Variants in SPIRE1 observed in about 807,000 individuals in gnomAD.
SPIRE1 encodes the protein protein spire homolog 1.
A neutral mutation model predicts 94.1 loss-of-function variants in SPIRE1; 40 were observed. That is an observed-to-expected ratio of 0.43 (90% CI 0.33 to 0.55). The LOEUF is 0.55. Ranked by LOEUF, SPIRE1 falls within the 20% of genes least tolerant of loss-of-function variation. The probability of loss-of-function intolerance (pLI) is 0.06; values close to 1 mark genes in which losing one functional copy is unlikely to be tolerated. For synonymous variants in SPIRE1, 376 were observed against 371.7 expected (o/e 1.01, Z -0.13); for missense variants, 838 against 975.2 (o/e 0.86, Z 1.87).
At chr18:12,607,224 G>A (rs143077644) in intron 2 of SPIRE1, among the ~76,000 whole-genome samples, 7 of 152,174 alleles carry the variant, frequency 4.6e-5, no homozygotes, top group East Asian at 1.9e-4. Context: ...ATAGCAGTTC[G>A]TTTTTTTAGA....
At chr18:12,461,666 C>A (rs2031869110) in intron 12 of SPIRE1, among the ~76,000 whole-genome samples, 1 of 149,824 alleles carries the variant, frequency 6.7e-6, no homozygotes, top group Admixed American at 6.6e-5. Flanking sequence ...CTTGCTGTGT[C>A]ATCTACGCTG....
chr18:12,457,846 CTTTT>C (rs201510377), intron 12 of SPIRE1, among the ~76,000 whole-genome samples: 1 of 132,242 alleles, frequency 7.6e-6, no homozygotes. Context: ...TTTCTTTTTT[CTTTT>C]TTTTTTTTTT....
chr18:12,621,908 G>A (rs910993256), intron 2 of SPIRE1, among the ~76,000 whole-genome samples: 7 of 152,088 alleles, frequency 4.6e-5, no homozygotes, highest in African/African-American at 1.4e-4. Context: ...GTCATAAACC[G>A]AGGAAATTAT....
intron 6 of SPIRE1, among the ~76,000 whole-genome samples, chr18:12,499,047 G>A (rs185689532): frequency 6.6e-6 from 1 of 152,326 alleles, no homozygotes; most frequent in Admixed American, 6.5e-5. Flanking sequence ...TTGCAGGCAT[G>A]AGCCACTGTG....
chr18:12,624,725 T>C (rs1041269301), intron 2 of SPIRE1, among the ~76,000 whole-genome samples: 3 of 148,138 alleles, frequency 2.0e-5, no homozygotes, highest in Non-Finnish European at 4.5e-5. Flanking sequence ...ATCCCAGCTA[T>C]TTGGGAGGCT....
intron 2 of SPIRE1, among the ~76,000 whole-genome samples, chr18:12,608,443 A>G (rs900243753): frequency 6.6e-6 from 1 of 152,176 alleles, no homozygotes; most frequent in Admixed American, 6.5e-5. Context: ...CACAATAGTT[A>G]GACATTTAGG....
In SPIRE1 at chr18:12,527,161, C is replaced by T. The variant is rs138530524; in HGVS notation, c.729+8315G>A. 2.3e-3 allele frequency among the ~76,000 whole-genome samples: 351 copies of T among 152,286 alleles called. 3 individuals carry two copies. The highest frequency in any genetic ancestry group is 0.014 in the South Asian group (69 of 4,826). ...AAGTCTTCTTCAAAATCCCAAGCTC[C>T]TCCACTGTTTCTTCTGTATTAAGGT... On this transcript the variant is annotated intron_variant, in intron 4 of 16. Coordinates refer to ENST00000409402, the MANE Select transcript of SPIRE1 (RefSeq NM_001128626.2).
At chr18:12,536,389 A>G (rs779400542) in intron 3 of SPIRE1, among the ~76,000 whole-genome samples, 59 of 152,224 alleles carry the variant, frequency 3.9e-4, no homozygotes, top group Non-Finnish European at 6.8e-4. Flanking sequence ...GAGGAGTCAC[A>G]TGACTTGTCT....
intron 12 of SPIRE1, among the ~76,000 whole-genome samples, chr18:12,455,313 C>A (rs1229597471): frequency 6.6e-6 from 1 of 152,134 alleles, no homozygotes; most frequent in East Asian, 1.9e-4. Flanking sequence ...TACTGACAAG[C>A]ATTATTTAGT....
intron 1 of SPIRE1, among the ~76,000 whole-genome samples, chr18:12,650,476 C>T (rs527790557): frequency 1.7e-4 from 26 of 151,588 alleles, no homozygotes; most frequent in African/African-American, 5.1e-4. Flanking sequence ...TTTGGGAGGC[C>T]GAGGTGGGTG....
intron 2 of SPIRE1, among the ~76,000 whole-genome samples, chr18:12,603,580 T>C (rs2144650567): frequency 6.6e-6 from 1 of 151,560 alleles, no homozygotes; most frequent in African/African-American, 2.4e-5. Context: ...GCCAATTTTT[T>C]TTTTTTTTTT....
At chr18:12,525,292 A>AT (rs1308628407) in intron 4 of SPIRE1, among the ~76,000 whole-genome samples, 14 of 146,768 alleles carry the variant, frequency 9.5e-5, no homozygotes, top group Middle Eastern at 3.6e-3. Flanking sequence ...AAAAAAAAAA[A>AT]AAAAAATAAT....
At chr18:12,651,765 A>C (rs1209735437) in intron 1 of SPIRE1, among the ~76,000 whole-genome samples, 1 of 152,228 alleles carries the variant, frequency 6.6e-6, no homozygotes, top group Non-Finnish European at 1.5e-5. Flanking sequence ...TTTTATGCCA[A>C]GACGATCTTC....
chr18:12,535,470 A>G lies in SPIRE1; in HGVS notation c.729+6T>C. On this transcript the variant is annotated splice_donor_region_variant and intron_variant, in intron 4 of 16. Coordinates refer to ENST00000409402, the MANE Select transcript of SPIRE1 (RefSeq NM_001128626.2). ...TGCCAATAAATATCAAAGCAGTAGTACTCACCTCTTTCGCACTCTTAATTT... is the reference window on the plus strand; with the variant it reads ...TGCCAATAAATATCAAAGCAGTAGTGCTCACCTCTTTCGCACTCTTAATTT... The G allele has an allele frequency of 1.9e-6, 3 of 1,610,856 alleles. No homozygotes were observed. Among genetic ancestry groups the G allele is most frequent in the Admixed American group, 1.7e-5 (1 of 59,930 alleles).
intron 9 of SPIRE1, among the ~76,000 whole-genome samples, chr18:12,485,017 C>CTTGT (rs1350961342): frequency 2.6e-5 from 4 of 151,878 alleles, no homozygotes; most frequent in Non-Finnish European, 5.9e-5. Context: ...CTCTGTTTAA[C>CTTGT]AGAAGGGTCT....
intron 2 of SPIRE1, among the ~76,000 whole-genome samples, chr18:12,608,281 G>T (rs931235723): frequency 6.7e-6 from 1 of 149,786 alleles, no homozygotes; most frequent in African/African-American, 2.5e-5. Context: ...ACTTATTTTT[G>T]TTCTTCAGAT....
intron 2 of SPIRE1, among the ~76,000 whole-genome samples, chr18:12,619,848 G>GAAAAAAAAAAAAAAA: frequency 9.0e-6 from 1 of 111,002 alleles, no homozygotes; most frequent in Non-Finnish European, 1.8e-5. Flanking sequence ...TCTGCCTCAG[G>GAAAAAAAAAAAAAAA]AAAAAAAAAA....
At chr18:12,551,720 G>A (rs1331463419) in intron 2 of SPIRE1, among the ~76,000 whole-genome samples, 1 of 151,686 alleles carries the variant, frequency 6.6e-6, no homozygotes, top group East Asian at 1.9e-4. Flanking sequence ...AAAAAAATAT[G>A]GGGCGGGAGA....
intron 2 of SPIRE1, among the ~76,000 whole-genome samples, chr18:12,549,439 G>GGTTTTTTTTTTTTTTTTTTTT (rs2035275774): frequency 2.4e-5 from 1 of 41,248 alleles, no homozygotes. Flanking sequence ...TGTTATTGTT[G>GGTTTTTTTTTTTTTTTTTTTT]TTTTTTTTTT....
Sources: allele counts gnomAD v4.1 joint callset (sites outside exome capture counted in the v4.1 genomes callset), GRCh38; gene constraint gnomAD v4.1.1; transcripts MANE v1.5; gene names NCBI Gene and HGNC (gene_info 2026-07-23, HGNC 2026-07-21).